Variants in UPB1 observed in about 807,000 individuals in gnomAD.
The protein encoded by UPB1 is beta-ureidopropionase.
Under a neutral mutation model 49.1 loss-of-function variants are expected in UPB1, and 40 were observed. The ratio of observed to expected loss-of-function variants is 0.81; its 90% CI spans 0.63 to 1.06. The LOEUF (loss-of-function observed/expected upper bound fraction) is 1.06. UPB1 is among the 50% of genes least tolerant of loss of function. The pLI, the probability that UPB1 is intolerant of heterozygous loss-of-function variation, is 0.00. For missense variants in UPB1, 499 were observed against 505.9 expected (o/e 0.99, Z 0.13); for synonymous variants, 207 against 198.2 (o/e 1.04, Z -0.38).
chr22:24,500,970 C>G (rs2043985287), intron 2 of UPB1, among the ~76,000 whole-genome samples: 1 of 152,154 alleles, frequency 6.6e-6, no homozygotes, highest in South Asian at 2.1e-4. Flanking sequence ...CTCTTGGATT[C>G]CAGGTTTGGT....
At chr22:24,510,277 A>G (rs1280352810) in intron 3 of UPB1, among the ~76,000 whole-genome samples, 2 of 152,016 alleles carry the variant, frequency 1.3e-5, no homozygotes, top group Non-Finnish European at 2.9e-5. Flanking sequence ...ACCTCCTATG[A>G]GTAGACGCCT....
intron 2 of UPB1, 58 bp from the exon 3 acceptor site, chr22:24,502,068 C>G: frequency 1.3e-6 from 2 of 1,573,080 alleles, no homozygotes. Context: ...AGGATGAGAT[C>G]CTAAAAATTG....
At chr22:24,523,118 G>A (rs2044424756) in intron 8 of UPB1, among the ~76,000 whole-genome samples, 1 of 152,154 alleles carries the variant, frequency 6.6e-6, no homozygotes, top group Non-Finnish European at 1.5e-5. Flanking sequence ...GGGAATGAGC[G>A]TCCACTGGGT....
chr22:24,502,574 C>T (rs752980633), intron 3 of UPB1: 15 of 768,480 alleles, frequency 2.0e-5, no homozygotes, highest in African/African-American at 3.4e-5. Context: ...CAGAGCCAGC[C>T]CCCCCATCTA....
rs775961284 is a variant in UPB1 at position 24,520,412 on chromosome 22, A to G, written c.817A>G (p.Arg273Gly). The G allele has an allele frequency of 4.3e-6, 7 of 1,614,090 alleles. No homozygotes were observed. In the Admixed American group the frequency reaches 8.3e-5, roughly 19 times the overall value. Residue 273 changes from arginine (R) to glycine (G), a missense_variant, in exon 7 of 10, where the codon AGA becomes GGA. Transcript: ENST00000326010. ...LSESLWPIEA[R>G]NAAIANHCFT... ...CGAGTCCCTGTGGCCCATCGAGGCC[A>G]GAAACGCAGCCATTGCCAATCACTG...
At chr22:24,495,753 A>C (rs2043859770) in intron 1 of UPB1, among the ~76,000 whole-genome samples, 1 of 151,988 alleles carries the variant, frequency 6.6e-6, no homozygotes, top group South Asian at 2.1e-4. Context: ...AAGGAAAAGG[A>C]CGGGATTTTA....
chr22:24,525,629 C>T (rs757612274), intron 9 of UPB1, 82 bp from the exon 10 acceptor site: 36 of 1,541,204 alleles, frequency 2.3e-5, no homozygotes, highest in Non-Finnish European at 3.2e-5. Flanking sequence ...GACTGCCCTC[C>T]AGTGGCAAGA....
At chr22:24,507,301 G>C (rs1333155220) in intron 3 of UPB1, among the ~76,000 whole-genome samples, 1 of 152,094 alleles carries the variant, frequency 6.6e-6, no homozygotes, top group Non-Finnish European at 1.5e-5. Flanking sequence ...GCGAGCCTGG[G>C]GAGCCTTGAG....
intron 6 of UPB1, among the ~76,000 whole-genome samples, chr22:24,517,577 G>A (rs1283148024): frequency 6.6e-6 from 1 of 152,170 alleles, no homozygotes; most frequent in Non-Finnish European, 1.5e-5. Flanking sequence ...GGCCCTCCCT[G>A]ACCCTCCTAT....
At chr22:24,520,509 G>T (rs761839623) in intron 7 of UPB1, 41 bp downstream of exon 7, 2 of 1,603,914 alleles carry the variant, frequency 1.2e-6, no homozygotes, top group East Asian at 4.5e-5. Flanking sequence ...GCCACCACCT[G>T]GTGGCTCTGG....
chr22:24,518,905 AC>A (rs1216685650), intron 6 of UPB1, among the ~76,000 whole-genome samples: 1 of 151,342 alleles, frequency 6.6e-6, no homozygotes, highest in African/African-American at 2.4e-5. Context: ...AAACGTCCCC[AC>A]TCCCCATCAG....
At chr22:24,520,961 T>G (rs2044379673) in intron 7 of UPB1, among the ~76,000 whole-genome samples, 1 of 152,056 alleles carries the variant, frequency 6.6e-6, no homozygotes, top group African/African-American at 2.4e-5. Flanking sequence ...GGCTGGCAGA[T>G]CACCTGAGGT....
At chr22:24,499,896 C>T (rs2043959572) in intron 1 of UPB1, among the ~76,000 whole-genome samples, 1 of 152,216 alleles carries the variant, frequency 6.6e-6, no homozygotes, top group South Asian at 2.1e-4. Context: ...GTCTCCCTGC[C>T]AATTGCAGGT....
chr22:24,519,177 AAGC>A (rs917652447), intron 6 of UPB1, among the ~76,000 whole-genome samples: 6 of 152,206 alleles, frequency 3.9e-5, no homozygotes, highest in Non-Finnish European at 8.8e-5. Context: ...TGGGGGAAAA[AAGC>A]AGCAAAATGA....
At position 24,502,064 on chromosome 22, in the gene UPB1, A is replaced by C. The variant is rs1202259285; in HGVS notation, c.277-62A>C. The C allele has an allele frequency of 4.6e-6, 7 of 1,531,872 alleles. No individual in the cohort carries two copies. In the Middle Eastern group the frequency reaches 6.8e-4, roughly 148 times the overall value. 94.9% of individuals were successfully genotyped at this position (1,531,872 alleles called of 1,614,324 possible). ...TGATTTTTCCATATGCATTAGGATGAGATCCTAAAAATTGCCTTACCAATA... is the reference window on the plus strand; with the variant it reads ...TGATTTTTCCATATGCATTAGGATGCGATCCTAAAAATTGCCTTACCAATA... On this transcript the variant is annotated intron_variant, in intron 2 of 9. Transcript: ENST00000326010.
At chr22:24,513,113 G>A (rs186579175) in intron 4 of UPB1, among the ~76,000 whole-genome samples, 1 of 152,286 alleles carries the variant, frequency 6.6e-6, no homozygotes, top group African/African-American at 2.4e-5. Flanking sequence ...CAGAGCAGCT[G>A]CACCATTTTA....
At chr22:24,499,596 A>G (rs571445117) in intron 1 of UPB1, among the ~76,000 whole-genome samples, 18 of 152,210 alleles carry the variant, frequency 1.2e-4, no homozygotes, top group Admixed American at 9.8e-4. Flanking sequence ...CAGAGTGGCC[A>G]GGGTCTTTAT....
intron 6 of UPB1, among the ~76,000 whole-genome samples, chr22:24,517,986 G>A (rs2147034165): frequency 6.6e-6 from 1 of 152,316 alleles, no homozygotes; most frequent in South Asian, 2.1e-4. Flanking sequence ...CCAACATGGT[G>A]AAACCTCATC....
At chr22:24,503,792 CCCT>C (rs1159135664) in intron 3 of UPB1, 1 of 152,278 alleles carries the variant, frequency 6.6e-6, no homozygotes, top group African/African-American at 2.4e-5. Flanking sequence ...CAGAGGACTG[CCCT>C]CCTGACTCAT....
Sources: gnomAD v4.1 joint callset for allele counts (sites outside exome capture counted in the v4.1 genomes callset) on GRCh38, gnomAD v4.1.1 for gene constraint, MANE v1.5 for transcripts, NCBI Gene and HGNC (gene_info 2026-07-23, HGNC 2026-07-21) for gene names.